Variants in RARB observed in about 807,000 individuals in gnomAD.
RARB encodes the protein retinoic acid receptor beta, also known as HBV-activated protein.
RARB carries 17 observed loss-of-function variants against 51.9 expected under a neutral mutation model. That is an observed-to-expected ratio of 0.33 (90% CI 0.22 to 0.49). RARB has a LOEUF of 0.49. Ranked by LOEUF, RARB falls within the 20% of genes least tolerant of loss-of-function variation. RARB has a pLI of 0.99. For missense variants in RARB, 369 were observed against 550.8 expected (o/e 0.67, Z 3.30); for synonymous variants, 215 against 195.4 (o/e 1.10, Z -0.84).
intron 5 of RARB, among the ~76,000 whole-genome samples, chr3:25,592,867 C>T (rs1440701722): frequency 1.3e-5 from 2 of 152,182 alleles, no homozygotes; most frequent in African/African-American, 4.8e-5. Flanking sequence ...TGGTTTCACT[C>T]ATGTCCCTTG....
intron 2 of RARB, among the ~76,000 whole-genome samples, chr3:24,963,310 G>A (rs1696181423): frequency 6.6e-6 from 1 of 151,598 alleles, no homozygotes; most frequent in African/African-American, 2.4e-5. Context: ...ATGCCAGTGA[G>A]TTCATTGGAA....
At chr3:25,246,514 C>T (rs1485123066) in intron 5 of RARB, among the ~76,000 whole-genome samples, 1 of 152,020 alleles carries the variant, frequency 6.6e-6, no homozygotes, top group Non-Finnish European at 1.5e-5. Flanking sequence ...CATGGTTGTC[C>T]TTTTTGTTGA....
At chr3:25,455,231 G>A (rs138548684) in intron 1 of RARB, among the ~76,000 whole-genome samples, 1 of 152,270 alleles carries the variant, frequency 6.6e-6, no homozygotes, top group Admixed American at 6.5e-5. Context: ...TTTTTAAAGA[G>A]TTGGAGCTTG....
At chr3:25,297,395 A>G (rs2125425344) in intron 5 of RARB, among the ~76,000 whole-genome samples, 1 of 138,442 alleles carries the variant, frequency 7.2e-6, no homozygotes, top group Admixed American at 7.9e-5. Flanking sequence ...AGTACTCAGA[A>G]GGTATTCTTT....
intron 5 of RARB, among the ~76,000 whole-genome samples, chr3:25,290,280 A>G (rs1184783409): frequency 6.6e-6 from 1 of 152,134 alleles, no homozygotes; most frequent in Admixed American, 6.6e-5. Context: ...TAGGACTAAC[A>G]TCCTTATGAG....
intron 3 of RARB, among the ~76,000 whole-genome samples, chr3:25,516,332 C>A (rs1698157877): frequency 6.6e-6 from 1 of 152,122 alleles, no homozygotes; most frequent in South Asian, 2.1e-4. Flanking sequence ...TCAGTAGTGG[C>A]AGTATGTTCC....
intron 3 of RARB, among the ~76,000 whole-genome samples, chr3:25,121,903 C>T (rs527699306): frequency 6.6e-6 from 1 of 152,140 alleles, no homozygotes; most frequent in Admixed American, 6.6e-5. Context: ...GGACCTGTCA[C>T]GTTCTTCTAC....
intron 3 of RARB, among the ~76,000 whole-genome samples, chr3:25,550,399 G>T (rs2125667030): frequency 6.6e-6 from 1 of 152,136 alleles, no homozygotes; most frequent in South Asian, 2.1e-4. Flanking sequence ...CCAAGATCAA[G>T]GCACCAGGAG....
rs183408422 is a variant in RARB, at chr3:25,238,178, G to A, written c.178+63603G>A. ...CCCCCACACATCCTTCCCAGTCTCTGGTATCTAGGATTCTACTCTCTACCT... is the reference window on the plus strand; with the variant it reads ...CCCCCACACATCCTTCCCAGTCTCTAGTATCTAGGATTCTACTCTCTACCT... On this transcript the variant is annotated intron_variant, in intron 5 of 11. Coordinates refer to the RARB transcript ENST00000383772. 7.1e-3 allele frequency among the ~76,000 whole-genome samples: 1,073 copies of A among 150,952 alleles called. 8 individuals are homozygous for A. Among genetic ancestry groups the A allele is most frequent in the African/African-American group, 0.024 (979 of 41,164 alleles).
intron 5 of RARB, among the ~76,000 whole-genome samples, chr3:25,261,385 C>G (rs1253387503): frequency 4.6e-5 from 7 of 152,120 alleles, no homozygotes; most frequent in Non-Finnish European, 1.0e-4. Flanking sequence ...GCTCATTTCT[C>G]ACCCACCTTT....
chr3:25,195,701 T>G (rs996802895), intron 5 of RARB, among the ~76,000 whole-genome samples: 2 of 152,054 alleles, frequency 1.3e-5, no homozygotes, highest in African/African-American at 4.8e-5. Flanking sequence ...TAACTTATCA[T>G]GAAATTACAG....
chr3:25,282,121 T>A lies in RARB; in HGVS notation c.178+107546T>A, dbSNP rs867675024. ...GGAAAGAGAGAACATTGTAGTTGTT[T>A]CATGCAGGAAGAGATTTAATCTTAG... On this transcript the variant is annotated intron_variant, in intron 5 of 11. Transcript: ENST00000383772. Among the ~76,000 whole-genome samples, 3 of 152,352 alleles carry A rather than the reference T, an allele frequency of 2.0e-5. No individual in the cohort carries two copies. The East Asian group carries it at 5.8e-4, about 29-fold the overall frequency.
chr3:24,927,794 T>C (rs1236016060), intron 2 of RARB, among the ~76,000 whole-genome samples: 1 of 152,072 alleles, frequency 6.6e-6, no homozygotes, highest in Non-Finnish European at 1.5e-5. Flanking sequence ...TTGGCATGCA[T>C]TCAAATGAGT....
chr3:25,139,890 G>A (rs373529394), intron 4 of RARB, among the ~76,000 whole-genome samples: 12 of 152,238 alleles, frequency 7.9e-5, no homozygotes, highest in African/African-American at 2.9e-4. Context: ...TAATAATTAT[G>A]CAAACTTTAC....
At chr3:25,461,880 G>A (rs1355267823) in intron 2 of RARB, among the ~76,000 whole-genome samples, 1 of 152,218 alleles carries the variant, frequency 6.6e-6, no homozygotes, top group African/African-American at 2.4e-5. Flanking sequence ...GGACAACAGC[G>A]AGACTTTGTC....
intron 7 of RARB, among the ~76,000 whole-genome samples, chr3:25,595,011 T>C (rs1701764148): frequency 6.6e-6 from 1 of 152,364 alleles, no homozygotes; most frequent in Admixed American, 6.5e-5. Context: ...CTCTGGTTTA[T>C]GTTACCTTGA....
At chr3:24,991,953 A>G (rs1696921281) in intron 2 of RARB, among the ~76,000 whole-genome samples, 1 of 152,004 alleles carries the variant, frequency 6.6e-6, no homozygotes, top group African/African-American at 2.4e-5. Flanking sequence ...AACTGTGCAG[A>G]GGTGTACCTT....
chr3:25,398,542 T>C (rs1707178488), intron 5 of RARB, among the ~76,000 whole-genome samples: 1 of 152,200 alleles, frequency 6.6e-6, no homozygotes, highest in African/African-American at 2.4e-5. Context: ...ACAGTTGCCA[T>C]ATTTCCAATG....
chr3:25,435,493 T>C (rs1708396278), intron 1 of RARB, among the ~76,000 whole-genome samples: 1 of 150,864 alleles, frequency 6.6e-6, no homozygotes, highest in African/African-American at 2.5e-5. Context: ...TGAAGGCCAT[T>C]TCAGCTTCAA....
Sources: gnomAD v4.1 joint callset for allele counts (sites outside exome capture counted in the v4.1 genomes callset) on GRCh38, gnomAD v4.1.1 for gene constraint, MANE v1.5 for transcripts, NCBI Gene and HGNC (gene_info 2026-07-23, HGNC 2026-07-21) for gene names.